The following MALRD1 variants were observed in gnomAD, a reference collection of about 807,000 sequenced individuals.
The protein encoded by MALRD1 is MAM and LDL receptor class A domain containing 1.
In MALRD1, 247 loss-of-function variants were observed where a neutral mutation model predicts 242.1. That is an observed-to-expected ratio of 1.02 (90% CI 0.92 to 1.13). The LOEUF (loss-of-function observed/expected upper bound fraction) is 1.13. Ranked by LOEUF, MALRD1 falls within the 50% of genes most tolerant of loss-of-function variation. The pLI is 0.00. For missense variants in MALRD1, 2,989 were observed against 2,533.1 expected (o/e 1.18, Z -3.86); for synonymous variants, 995 against 866.6 (o/e 1.15, Z -2.60).
intron 26 of MALRD1, among the ~76,000 whole-genome samples, chr10:19,384,358 T>C (rs1376828784): frequency 8.0e-6 from 1 of 124,234 alleles, no homozygotes; most frequent in Non-Finnish European, 1.6e-5. Flanking sequence ...ATAATATATA[T>C]TATATAGTAT....
intron 34 of MALRD1, among the ~76,000 whole-genome samples, chr10:19,596,584 A>C (rs1273317261): frequency 6.6e-6 from 1 of 151,706 alleles, no homozygotes; most frequent in Non-Finnish European, 1.5e-5. Flanking sequence ...CAATAGTAAT[A>C]ACCAGGTGTG....
intron 28 of MALRD1, among the ~76,000 whole-genome samples, chr10:19,446,896 G>C (rs1321141061): frequency 6.6e-6 from 1 of 152,128 alleles, no homozygotes; most frequent in Non-Finnish European, 1.5e-5. Context: ...AAAATTATGA[G>C]TTAGGAGTGA....
Position 19,104,039 on chromosome 10 carries a change from G to A in MALRD1, c.658G>A (p.Asp220Asn). The change falls in exon 5 of 40, where the codon GAT (aspartate) becomes AAT (asparagine). Residue 220 changes from aspartate (D) to asparagine (N), a missense_variant. Physicochemically the swap from Asp to Asn is conservative, Grantham distance 23 (BLOSUM62 1). Transcript: ENST00000454679. Reference protein sequence around the residue: ...YEQDEVIAIDDISFSSGCLPA... With the variant: ...YEQDEVIAIDNISFSSGCLPA... ...ACAGGATGAAGTCATTGCTATTGAT[G>A]ATATATCTTTCAGTTCAGGCTGCTT... The A allele has an allele frequency of 8.1e-7, 1 of 1,233,812 alleles. No homozygotes were observed. The highest frequency in any genetic ancestry group is 4.1e-5 in the South Asian group (1 of 24,410). The allele number at this position is 1,233,812 out of a possible 1,614,324, so 76.4% of individuals were successfully genotyped here. A position where few individuals can be genotyped will look rare whatever the true frequency, so the allele number is the denominator to read the frequency against.
intron 21 of MALRD1, among the ~76,000 whole-genome samples, chr10:19,311,388 A>G (rs1420912384): frequency 6.6e-6 from 1 of 151,460 alleles, no homozygotes; most frequent in Non-Finnish European, 1.5e-5. Flanking sequence ...CTTTAAAGTA[A>G]ATATCTAAAT....
chr10:19,654,707 T>C (rs1385622772), intron 36 of MALRD1, among the ~76,000 whole-genome samples: 1 of 152,198 alleles, frequency 6.6e-6, no homozygotes, highest in Non-Finnish European at 1.5e-5. Flanking sequence ...ACCTTTGTTG[T>C]TGAGTACAGT....
At chr10:19,228,942 C>T (rs1837915834) in intron 18 of MALRD1, among the ~76,000 whole-genome samples, 1 of 151,318 alleles carries the variant, frequency 6.6e-6, no homozygotes, top group African/African-American at 2.4e-5. Context: ...ATTATTTACT[C>T]AGCCCCCCCA....
At chr10:19,341,438 GTA>G (rs34129852) in intron 24 of MALRD1, among the ~76,000 whole-genome samples, 90,644 of 144,200 alleles carry the variant, frequency 0.63, 28,716 homozygotes, top group African/African-American at 0.7. Context: ...AACACTATAT[GTA>G]TATATATATA....
chr10:19,447,065 C>G lies in MALRD1; in HGVS notation c.4846-3242C>G, dbSNP rs199848792. 1.3e-3 allele frequency among the ~76,000 whole-genome samples: 97 copies of G among 75,976 alleles called. No homozygotes were observed. In the East Asian group the frequency reaches 0.045, roughly 36 times the overall value. 49.8% of individuals were successfully genotyped at this position (75,976 alleles called of 152,430 possible). A position where few individuals can be genotyped will look rare whatever the true frequency, so the allele number is the denominator to read the frequency against. On this transcript the variant is annotated intron_variant, in intron 28 of 39. Coordinates refer to ENST00000454679, the MANE Select transcript of MALRD1 (RefSeq NM_001142308.3). ...GAACACACACACACACACACACATA[C>G]ACAGACACACACACACACACACACA...
Position 19,595,397 on chromosome 10 carries a change from T to A in MALRD1, c.5884T>A (p.Ser1962Thr), listed in dbSNP as rs1250292644. 31 of 1,550,332 alleles carry A rather than the reference T, an allele frequency of 2.0e-5. No individual in the cohort carries two copies. Among genetic ancestry groups the A allele is most frequent in the Non-Finnish European group, 2.6e-5 (30 of 1,146,888 alleles). ...GTGCTCTACAGACGAGTGTATACCT[T>A]CCCTCCTGCTATGCGATGGAGTGCC... ...FPCSTDECIP[S>T]LLLCDGVPDC... The change falls in exon 34 of 40, where the codon TCC becomes ACC. Residue 1962 changes from serine (S) to threonine (T), a missense_variant. By Grantham distance (58) the Ser-to-Thr change is moderately conservative. Coordinates refer to ENST00000454679, the MANE Select transcript of MALRD1 (RefSeq NM_001142308.3).
At chr10:19,179,891 G>A (rs764698084) in intron 14 of MALRD1, among the ~76,000 whole-genome samples, 4 of 151,828 alleles carry the variant, frequency 2.6e-5, no homozygotes, top group African/African-American at 7.3e-5. Flanking sequence ...CTTTCAGTTC[G>A]TCCTTTTCCA....
At chr10:19,099,037 G>A (rs948815905) in intron 4 of MALRD1, among the ~76,000 whole-genome samples, 12 of 152,148 alleles carry the variant, frequency 7.9e-5, no homozygotes, top group South Asian at 2.1e-4. Flanking sequence ...ATGCAAATGG[G>A]TTCTCTAACT....
Position 19,368,891 on chromosome 10 carries a change from TTG to T in MALRD1, c.4441+16624_4441+16625del, listed in dbSNP as rs71387066. ...TGTGTATGTGTGTGTGTGTGTGTGTTTGTGTGTGTGTGTGTGTGTGTGTGTGT... is the reference window on the plus strand; with the variant it reads ...TGTGTATGTGTGTGTGTGTGTGTGTTTGTGTGTGTGTGTGTGTGTGTGTGT... On this transcript the variant is annotated intron_variant, in intron 26 of 39. Transcript: ENST00000454679. 9.6e-3 allele frequency among the ~76,000 whole-genome samples: 765 copies of T among 79,456 alleles called. 3 individuals carry two copies. The highest frequency in any genetic ancestry group is 0.018 in the East Asian group (51 of 2,798). The allele number at this position is 79,456 out of a possible 152,430, so 52.1% of individuals were successfully genotyped here.
intron 21 of MALRD1, among the ~76,000 whole-genome samples, chr10:19,313,851 G>T (rs1842532271): frequency 6.6e-6 from 1 of 151,372 alleles, no homozygotes; most frequent in African/African-American, 2.4e-5. Flanking sequence ...AGAATAGTTG[G>T]CTCTGATACC....
At chr10:19,650,299 CAACTTCAGATAGACAA>C (rs1840813126) in intron 36 of MALRD1, among the ~76,000 whole-genome samples, 1 of 152,142 alleles carries the variant, frequency 6.6e-6, no homozygotes, top group African/African-American at 2.4e-5. Flanking sequence ...AAATACAACA[CAACTTCAGATAGACAA>C]AAACTGTGAA....
intron 17 of MALRD1, among the ~76,000 whole-genome samples, chr10:19,207,016 C>G (rs999508555): frequency 2.0e-5 from 3 of 152,102 alleles, no homozygotes; most frequent in Non-Finnish European, 2.9e-5. Flanking sequence ...TCACTTGGTT[C>G]CCTTCATTAG....
intron 2 of MALRD1, among the ~76,000 whole-genome samples, chr10:19,082,466 C>A (rs986016478): frequency 4.0e-5 from 6 of 151,744 alleles, no homozygotes; most frequent in Non-Finnish European, 7.4e-5. Context: ...TATTTTATGA[C>A]ACATTATTCT....
intron 19 of MALRD1, among the ~76,000 whole-genome samples, chr10:19,277,217 C>T (rs1443373482): frequency 2.0e-5 from 3 of 152,156 alleles, no homozygotes; most frequent in South Asian, 4.1e-4. Context: ...TGAGCCACCA[C>T]ACCTGGTGAG....
At chr10:19,504,041 A>G (rs1027006224) in intron 31 of MALRD1, among the ~76,000 whole-genome samples, 2 of 152,316 alleles carry the variant, frequency 1.3e-5, no homozygotes, top group Non-Finnish European at 2.9e-5. Flanking sequence ...TTAGCAAGCT[A>G]ATGCTCTCCT....
chr10:19,606,700 C>T (rs1838649352), intron 34 of MALRD1, among the ~76,000 whole-genome samples: 1 of 152,058 alleles, frequency 6.6e-6, no homozygotes, highest in South Asian at 2.1e-4. Context: ...CTGGCACAGA[C>T]CAGAACCAGA....
Sources: allele counts gnomAD v4.1 joint callset (sites outside exome capture counted in the v4.1 genomes callset), GRCh38; gene constraint gnomAD v4.1.1; transcripts MANE v1.5; gene names NCBI Gene and HGNC (gene_info 2026-07-23, HGNC 2026-07-21).